SGCB: variants seen among roughly 807,000 people sequenced by gnomAD.
The protein encoded by SGCB is beta-sarcoglycan.
In SGCB, 25 loss-of-function variants were observed where a neutral mutation model predicts 27.3. The ratio of observed to expected loss-of-function variants is 0.92; its 90% CI spans 0.67 to 1.28. The LOEUF is 1.28. SGCB is among the 50% of genes most tolerant of loss of function. The pLI is 0.00. For missense variants in SGCB, 436 were observed against 402.1 expected, an observed-to-expected ratio of 1.08 and a Z score of -0.72; for synonymous variants, 147 against 133.5, an observed-to-expected ratio of 1.10 and a Z score of -0.70.
intron 2 of SGCB, among the ~76,000 whole-genome samples, chr4:52,033,212 T>G (rs964940851): frequency 1.3e-5 from 2 of 152,192 alleles, no homozygotes; most frequent in Non-Finnish European, 2.9e-5. Context: ...TTGCTAAAAA[T>G]TAAGTCCATT....
intron 3 of SGCB, among the ~76,000 whole-genome samples, 191 bp from the exon 4 acceptor site, chr4:52,029,112 G>T (rs999012789): frequency 1.3e-5 from 2 of 152,190 alleles, no homozygotes; most frequent in African/African-American, 4.8e-5. Flanking sequence ...TAGAATGAAG[G>T]TTTATACATT....
rs11541943 is a variant in SGCB at position 52,029,731 on chromosome 4, T to C, written c.376A>G (p.Thr126Ala). The C allele has an allele frequency of 6.2e-7, 1 of 1,613,912 alleles. No homozygotes were observed. Among genetic ancestry groups the C allele is most frequent in the Non-Finnish European group, 8.5e-7 (1 of 1,179,892 alleles). Residue 126 changes from threonine to alanine, a missense_variant, in exon 3 of 6, where the codon ACA (threonine) becomes GCA (alanine). By Grantham distance (58) the Thr-to-Ala change is moderately conservative. Transcript: ENST00000381431. ...TTTTCATTTCGCCTTCCTCCTACTG[T>C]GCTTTTATAAAGAGGGTGGATCACT... is the stretch of plus-strand genomic sequence containing the variant. ...MGVIHPLYKSTVGGRRNENLV... is the reference protein window; with the variant it reads ...MGVIHPLYKSAVGGRRNENLV...
chr4:52,022,696 G>A lies in SGCB; in HGVS notation c.*1261C>T, dbSNP rs984589450. On this transcript the variant is annotated 3_prime_UTR_variant, in exon 6 of 6. Coordinates refer to ENST00000381431, the MANE Select transcript of SGCB (RefSeq NM_000232.5). Reference sequence around the variant, plus strand: ...TGCCTGGCCCAAAGAACTTGTTTGGGTCTATGGCCTCCCCACTTTCCACTG... The same window carrying A: ...TGCCTGGCCCAAAGAACTTGTTTGGATCTATGGCCTCCCCACTTTCCACTG... The A allele has an allele frequency of 6.6e-6, 1 of 152,212 alleles. No individual in the cohort carries two copies. Among genetic ancestry groups the A allele is most frequent in the African/African-American group, 2.4e-5 (1 of 41,452 alleles). The allele number at this position is 152,212 out of a possible 1,614,324, so 9.4% of individuals were successfully genotyped here.
At chr4:52,028,175 G>C (rs996637805) in intron 4 of SGCB, 76 bp from the exon 5 acceptor site, 2 of 1,183,706 alleles carry the variant, frequency 1.7e-6, no homozygotes, top group African/African-American at 3.0e-5. Flanking sequence ...TAGAGAAATA[G>C]AAGCTTCAGT....
chr4:52,037,862 T>A (rs1737436616), intron 1 of SGCB, among the ~76,000 whole-genome samples: 1 of 152,210 alleles, frequency 6.6e-6, no homozygotes, highest in African/African-American at 2.4e-5. Context: ...GGGCTGCGGT[T>A]ATTTTTATCC....
At chr4:52,032,021 T>C in intron 2 of SGCB, 1 of 451,498 alleles carries the variant, frequency 2.2e-6, no homozygotes. Flanking sequence ...ACCCAGACTT[T>C]CCTGTTTCAG....
At chr4:52,033,741 A>G in intron 1 of SGCB, 101 bp from the exon 2 acceptor site, 1 of 869,470 alleles carries the variant, frequency 1.2e-6, no homozygotes, top group Non-Finnish European at 1.9e-6. Flanking sequence ...TGAATTGGTT[A>G]CTGACACATT....
chr4:52,032,181 C>T (rs559266697), intron 2 of SGCB, among the ~76,000 whole-genome samples: 2 of 152,256 alleles, frequency 1.3e-5, no homozygotes, highest in Admixed American at 6.5e-5. Flanking sequence ...CTAGGGATCT[C>T]ACTGCTTCTT....
intron 1 of SGCB, among the ~76,000 whole-genome samples, chr4:52,034,883 T>C (rs2082900512): frequency 6.6e-6 from 1 of 152,218 alleles, no homozygotes; most frequent in South Asian, 2.1e-4. Flanking sequence ...ACCAATGTGA[T>C]GGCATCATCA....
rs955612770 is a variant in SGCB, at chr4:52,031,392, C to G, written c.244-1529G>C. ...CATCTACCCACCCACCCATTCATCT[C>G]TGTGTGTGTGTGTATGTGTGTGTGT... On this transcript the variant is annotated intron_variant, in intron 2 of 5. Transcript: ENST00000381431. 7.1e-5 allele frequency among the ~76,000 whole-genome samples: 10 copies of G among 140,250 alleles called. No homozygotes were observed. In the East Asian group the frequency reaches 8.5e-4, roughly 12 times the overall value. The allele number at this position is 140,250 out of a possible 152,430, so 92.0% of individuals were successfully genotyped here. A position where few individuals can be genotyped will look rare whatever the true frequency, so the allele number is the denominator to read the frequency against.
intron 5 of SGCB, among the ~76,000 whole-genome samples, chr4:52,026,349 C>G (rs1182923788): frequency 1.4e-5 from 2 of 145,778 alleles, no homozygotes; most frequent in Non-Finnish European, 3.0e-5. Context: ...ATCTCTGCCT[C>G]CTGGTTTCAA....
At position 52,029,783 on chromosome 4, in the gene SGCB, A is replaced by G. The variant is rs780186595; in HGVS notation, c.324T>C (p.Leu108=). The G allele has an allele frequency of 6.2e-7, 1 of 1,613,584 alleles. No homozygotes were observed. Among genetic ancestry groups the G allele is most frequent in the South Asian group, 1.1e-5 (1 of 91,072 alleles). The change falls in exon 3 of 6, where the codon CTT becomes CTC. Residue 108 remains leucine, a synonymous_variant. Coordinates refer to ENST00000381431, the MANE Select transcript of SGCB (RefSeq NM_000232.5). ...DSMEFHESGL[L]RFKQVSDMGV... is the part of the protein sequence containing the mutation. ...CCATGTCAGATACTTGCTTAAATCG[A>G]AGCAGGCCACTTTCATGAAACTCCA... is the stretch of plus-strand genomic sequence containing the variant.
Position 52,024,173 on chromosome 4 carries a change from T to A in SGCB, c.754-13A>T, listed in dbSNP as rs1225812140. Reference sequence around the variant, plus strand: ...TGATACTGTTTTCCTATTAGGAGAATAGTAATATGATTTATTTACCTCCAT... The same window carrying A: ...TGATACTGTTTTCCTATTAGGAGAAAAGTAATATGATTTATTTACCTCCAT... On this transcript the variant is annotated splice_polypyrimidine_tract_variant and intron_variant, in intron 5 of 5. Coordinates refer to ENST00000381431, the MANE Select transcript of SGCB (RefSeq NM_000232.5). The A allele has an allele frequency of 6.3e-7, 1 of 1,599,510 alleles. No individual in the cohort carries two copies. Among genetic ancestry groups the A allele is most frequent in the Non-Finnish European group, 8.6e-7 (1 of 1,167,550 alleles).
rs1405633104 is a variant in SGCB at position 52,024,138 on chromosome 4, C to A, written c.776G>T (p.Gly259Val). ...LKAENSIILN[G>V]SVMVSTTRLP... ...GCGGGTGGTGCTGACCATCACAGAT[C>A]CATTTAGGATGATACTGTTTTCCTA... The change falls in exon 6 of 6, where the codon GGA becomes GTA. Residue 259 changes from glycine (G) to valine (V), a missense_variant. Gly to Val is a moderately radical substitution (Grantham distance 109, BLOSUM62 -3). Coordinates refer to ENST00000381431, the MANE Select transcript of SGCB (RefSeq NM_000232.5). 6.2e-7 allele frequency: 1 copy of A among 1,613,790 alleles called. No individual in the cohort carries two copies. Among genetic ancestry groups the A allele is most frequent in the Non-Finnish European group, 8.5e-7 (1 of 1,179,874 alleles).
At chr4:52,033,398 G>C in intron 2 of SGCB, 33 bp downstream of exon 2, 5 of 1,403,226 alleles carry the variant, frequency 3.6e-6, no homozygotes, top group South Asian at 2.3e-5. Context: ...ATTCCCCATG[G>C]CAATTAAAAT....
intron 4 of SGCB, among the ~76,000 whole-genome samples, 177 bp downstream of exon 4, chr4:52,028,552 CG>C (rs1182592803): frequency 8.6e-5 from 13 of 152,016 alleles, no homozygotes; most frequent in Non-Finnish European, 1.5e-5. Context: ...AGGAGAATGG[CG>C]TGAATCCGGG....
chr4:52,036,255 ACT>A (rs1161584604), intron 1 of SGCB, among the ~76,000 whole-genome samples: 1 of 152,212 alleles, frequency 6.6e-6, no homozygotes, highest in East Asian at 1.9e-4. Flanking sequence ...TAAGAAGGTC[ACT>A]CTAGGCAGAG....
intron 5 of SGCB, among the ~76,000 whole-genome samples, chr4:52,027,469 TG>T (rs958052545): frequency 3.4e-4 from 52 of 151,814 alleles, no homozygotes; most frequent in Non-Finnish European, 4.6e-4. Context: ...ATTTGCTAAT[TG>T]TTTTTTTTCA....
chr4:52,038,247 C>T lies in SGCB; in HGVS notation c.13G>A (p.Ala5Thr). The T allele has an allele frequency of 7.7e-7, 1 of 1,295,740 alleles. No individual in the cohort carries two copies. The highest frequency in any genetic ancestry group is 3.3e-5 in the East Asian group (1 of 30,374). The allele number at this position is 1,295,740 out of a possible 1,614,324, so 80.3% of individuals were successfully genotyped here. ...CAGACCTGTTCTGCAGCCGCCGCCG[C>T]CGCTGCCGCCATCTTCCCGCGCCCG... is the stretch of plus-strand genomic sequence containing the variant. MAAA[A>T]AAAAEQQSSN... The change falls in exon 1 of 6, where the codon GCG (alanine) becomes ACG (threonine). Residue 5 changes from alanine to threonine, a missense_variant. Transcript: ENST00000381431.
Sources: gnomAD v4.1 joint callset for allele counts (sites outside exome capture counted in the v4.1 genomes callset) on GRCh38, gnomAD v4.1.1 for gene constraint, MANE v1.5 for transcripts, NCBI Gene and HGNC (gene_info 2026-07-23, HGNC 2026-07-21) for gene names.